CLEC6A: variants seen among roughly 807,000 people sequenced by gnomAD.
The protein encoded by CLEC6A is C-type lectin domain containing 6A, also known as C-type lectin domain family 6 member A.
CLEC6A carries 22 observed loss-of-function variants against 25.7 expected under a neutral mutation model. The ratio of observed to expected loss-of-function variants is 0.85; its 90% CI spans 0.61 to 1.22. The LOEUF is 1.22. CLEC6A is among the 50% of genes most tolerant of loss of function. CLEC6A has a pLI of 0.00. For synonymous variants in CLEC6A, 92 were observed against 76.7 expected, an observed-to-expected ratio of 1.20 and a Z score of -1.04; for missense variants, 240 against 236.8, an observed-to-expected ratio of 1.01 and a Z score of -0.09.
intron 5 of CLEC6A, among the ~76,000 whole-genome samples, chr12:8,476,619 T>C (rs1211739437): frequency 2.0e-5 from 3 of 152,118 alleles, no homozygotes; most frequent in Non-Finnish European, 4.4e-5. Context: ...ATGTACAATT[T>C]TAGTAGAAAA....
chr12:8,458,067 CT>C, intron 2 of CLEC6A, 80 bp downstream of exon 2: 1 of 975,264 alleles, frequency 1.0e-6, no homozygotes, highest in Non-Finnish European at 1.6e-6. Flanking sequence ...ATATATTCTC[CT>C]TTGCCCCATT....
At chr12:8,456,680 C>G (rs7969189) in intron 1 of CLEC6A, among the ~76,000 whole-genome samples, 149,587 of 152,324 alleles carry the variant, frequency 0.98, 73,515 homozygotes, top group East Asian at 1. Flanking sequence ...GGCTCCATGT[C>G]ATATTTTGAC....
chr12:8,467,097 C>G (rs1271337176), intron 4 of CLEC6A, among the ~76,000 whole-genome samples: 1 of 152,062 alleles, frequency 6.6e-6, no homozygotes, highest in Non-Finnish European at 1.5e-5. Flanking sequence ...GATATTAACC[C>G]CTTACCAGAT....
At chr12:8,464,797 C>A (rs1324130011) in intron 3 of CLEC6A, among the ~76,000 whole-genome samples, 3 of 152,036 alleles carry the variant, frequency 2.0e-5, no homozygotes, top group Non-Finnish European at 4.4e-5. Flanking sequence ...CAAACTGGTA[C>A]TTGTAAGGGA....
intron 3 of CLEC6A, 148 bp downstream of exon 3, chr12:8,459,846 T>C: frequency 3.2e-6 from 2 of 628,250 alleles, no homozygotes; most frequent in Middle Eastern, 2.5e-4. Flanking sequence ...TCTCTAAACA[T>C]ACATGTTCAT....
intron 2 of CLEC6A, 32 bp from the exon 3 acceptor site, chr12:8,459,565 G>A (rs1939724868): frequency 7.3e-7 from 1 of 1,369,506 alleles, no homozygotes; most frequent in Non-Finnish European, 1.0e-6. Flanking sequence ...CAAAATAATA[G>A]ATGGACACTA....
intron 3 of CLEC6A, among the ~76,000 whole-genome samples, chr12:8,462,998 T>C (rs762838556): frequency 1.3e-5 from 2 of 152,144 alleles, no homozygotes; most frequent in Non-Finnish European, 2.9e-5. Flanking sequence ...GTTATTTCTC[T>C]TTTAAAATGT....
chr12:8,477,244 C>A, intron 5 of CLEC6A, 76 bp from the exon 6 acceptor site: 1 of 1,216,506 alleles, frequency 8.2e-7, no homozygotes, highest in Non-Finnish European at 1.2e-6. Context: ...ACTTTGTTCA[C>A]CCCAGACTTT....
intron 2 of CLEC6A, 60 bp downstream of exon 2, chr12:8,458,047 G>T (rs763624755): frequency 9.9e-6 from 12 of 1,210,250 alleles, no homozygotes; most frequent in Admixed American, 1.7e-5. Flanking sequence ...TTCCATACAG[G>T]TTTCCTAGGA....
At position 8,477,172 on chromosome 12, in the gene CLEC6A, T is replaced by C. The variant is rs1939986632; in HGVS notation, c.486-148T>C. ...AAAAGTATGTGTCCATACTTGAGGA[T>C]TTGAGGAGAGTAGTATGAGAAGAAG... On this transcript the variant is annotated intron_variant, in intron 5 of 5. Coordinates refer to ENST00000382073, the MANE Select transcript of CLEC6A (RefSeq NM_001007033.2). The C allele has an allele frequency of 6.5e-6, 4 of 611,476 alleles. No homozygotes were observed. In the Admixed American group the frequency reaches 1.1e-4, roughly 16 times the overall value. The allele number at this position is 611,476 out of a possible 1,614,324, so 37.9% of individuals were successfully genotyped here.
At position 8,456,073 on chromosome 12, in the gene CLEC6A, A is replaced by G; in HGVS notation, c.-39A>G. 6.2e-7 allele frequency: 1 copy of G among 1,611,304 alleles called. No homozygotes were observed. Among genetic ancestry groups the G allele is most frequent in the Non-Finnish European group, 8.5e-7 (1 of 1,177,836 alleles). On this transcript the variant is annotated 5_prime_UTR_variant, in exon 1 of 6. Transcript: ENST00000382073. ...CAACATCTTTAGGGAGAGAGGTACA[A>G]AAGGTTCCTGGACCTTCTCAACACA... is the stretch of plus-strand genomic sequence containing the variant.
At chr12:8,473,656 C>T (rs954436931) in intron 4 of CLEC6A, among the ~76,000 whole-genome samples, 2 of 152,066 alleles carry the variant, frequency 1.3e-5, no homozygotes, top group Non-Finnish European at 2.9e-5. Context: ...CTCCAAATTG[C>T]TTTCCATGGA....
At chr12:8,467,750 A>G (rs755667022) in intron 4 of CLEC6A, among the ~76,000 whole-genome samples, 25 of 152,262 alleles carry the variant, frequency 1.6e-4, no homozygotes, top group Admixed American at 5.2e-4. Context: ...TAGGGATCAC[A>G]TTGACTCTTT....
chr12:8,460,952 C>A, intron 3 of CLEC6A: 1 of 923,466 alleles, frequency 1.1e-6, no homozygotes, highest in Non-Finnish European at 1.8e-6. Context: ...CACTGTGGGG[C>A]TCTAAGAGTC....
chr12:8,476,856 C>T (rs894753046), intron 5 of CLEC6A, among the ~76,000 whole-genome samples: 3 of 151,972 alleles, frequency 2.0e-5, no homozygotes, highest in Admixed American at 6.6e-5. Flanking sequence ...TCCAACCTCC[C>T]AGTCTTTACC....
chr12:8,456,751 TTTATCATGTCTTTGTGTTTGGAACA>T (rs1383432089), intron 1 of CLEC6A, among the ~76,000 whole-genome samples: 2 of 152,160 alleles, frequency 1.3e-5, no homozygotes, highest in African/African-American at 4.8e-5. Context: ...ACCTCAAATA[TTTATCATGTCTTTGTGTTTGGAACA>T]TTCCAAATCT....
In CLEC6A at chr12:8,470,647, A is replaced by C. The variant is rs772884317; in HGVS notation, c.369+5018A>C. On this transcript the variant is annotated intron_variant, in intron 4 of 5. Transcript: ENST00000382073. ...TTATTCTAAGTGAAGTAACTCAGGA[A>C]TGGAAAACCAAACATCGTATATTCT... Among the ~76,000 whole-genome samples the C allele has an allele frequency of 2.8e-3, 421 of 152,316 alleles. 2 individuals are homozygous for C. Among genetic ancestry groups the C allele is most frequent in the African/African-American group, 9.8e-3 (406 of 41,584 alleles).
At chr12:8,472,547 G>A (rs756717885) in intron 4 of CLEC6A, among the ~76,000 whole-genome samples, 2 of 152,246 alleles carry the variant, frequency 1.3e-5, no homozygotes, top group East Asian at 3.9e-4. Flanking sequence ...GCAAGTAAAT[G>A]CAGCAAACTT....
At chr12:8,458,838 T>C (rs1266669916) in intron 2 of CLEC6A, among the ~76,000 whole-genome samples, 2 of 152,130 alleles carry the variant, frequency 1.3e-5, no homozygotes, top group African/African-American at 2.4e-5. Flanking sequence ...TTTGGTTGTA[T>C]TGAGCTCTAG....
Sources: allele counts gnomAD v4.1 joint callset (sites outside exome capture counted in the v4.1 genomes callset), GRCh38; gene constraint gnomAD v4.1.1; transcripts MANE v1.5; gene names NCBI Gene and HGNC (gene_info 2026-07-23, HGNC 2026-07-21).